Variants in DCDC1 observed in about 807,000 individuals in gnomAD.
DCDC1 encodes the protein doublecortin domain containing 1.
A neutral mutation model predicts 178.3 loss-of-function variants in DCDC1; 200 were observed. That is an observed-to-expected ratio of 1.12 (90% CI 1.00 to 1.26). DCDC1 has a LOEUF of 1.26. Among genes scored for constraint, DCDC1 ranks in the 50% most tolerant of loss-of-function variants. The pLI is 0.00. For synonymous variants in DCDC1, 690 were observed against 604.8 expected, an observed-to-expected ratio of 1.14 and a Z score of -2.07; for missense variants, 1,983 against 1,749.2, an observed-to-expected ratio of 1.13 and a Z score of -2.38.
intron 1 of DCDC1, among the ~76,000 whole-genome samples, chr11:31,364,321 T>A (rs1298069567): frequency 2.0e-5 from 3 of 151,918 alleles, no homozygotes; most frequent in African/African-American, 7.3e-5. Context: ...AGTTGGAAAG[T>A]GCATAGAAAA....
intron 27 of DCDC1, among the ~76,000 whole-genome samples, chr11:30,912,414 G>C (rs577306687): frequency 1.3e-5 from 2 of 152,228 alleles, no homozygotes; most frequent in East Asian, 3.9e-4. Flanking sequence ...CTCCCGAGTA[G>C]CTGGTACTAC....
At chr11:31,126,616 T>C (rs1961659948) in intron 11 of DCDC1, among the ~76,000 whole-genome samples, 2 of 152,174 alleles carry the variant, frequency 1.3e-5, no homozygotes, top group African/African-American at 2.4e-5. Flanking sequence ...ACTTCGAATG[T>C]TATCACATAC....
intron 9 of DCDC1, among the ~76,000 whole-genome samples, chr11:31,164,572 A>T (rs1386878114): frequency 2.0e-5 from 3 of 152,144 alleles, no homozygotes; most frequent in Non-Finnish European, 4.4e-5. Flanking sequence ...AAACGTAAAA[A>T]AAAATTAAAA....
At chr11:31,347,886 T>C (rs2133272294) in intron 1 of DCDC1, among the ~76,000 whole-genome samples, 1 of 152,288 alleles carries the variant, frequency 6.6e-6, no homozygotes, top group South Asian at 2.1e-4. Flanking sequence ...CATGGGCCAA[T>C]ATAGGACCTT....
intron 17 of DCDC1, among the ~76,000 whole-genome samples, chr11:31,087,103 T>C (rs1466643908): frequency 1.3e-5 from 2 of 152,114 alleles, no homozygotes; most frequent in Admixed American, 6.6e-5. Flanking sequence ...TGAGTAGGCA[T>C]TGGTGATTTG....
chr11:31,227,498 T>G (rs930162427), intron 9 of DCDC1, among the ~76,000 whole-genome samples: 1 of 151,996 alleles, frequency 6.6e-6, no homozygotes, highest in Non-Finnish European at 1.5e-5. Flanking sequence ...CATTTCAACA[T>G]GACACTTGGG....
chr11:30,925,617 T>C (rs1946541659), intron 22 of DCDC1, among the ~76,000 whole-genome samples: 1 of 152,166 alleles, frequency 6.6e-6, no homozygotes, highest in African/African-American at 2.4e-5. Context: ...ATTTAACCTG[T>C]CTAAGGCTAG....
chr11:30,927,848 TA>T (rs1946682643), intron 22 of DCDC1, among the ~76,000 whole-genome samples: 1 of 152,162 alleles, frequency 6.6e-6, no homozygotes, highest in African/African-American at 2.4e-5. Flanking sequence ...TATTCCCTCA[TA>T]TTTGACAAGG....
chr11:31,111,725 A>C (rs1023370575), intron 11 of DCDC1, among the ~76,000 whole-genome samples: 2 of 152,194 alleles, frequency 1.3e-5, no homozygotes, highest in African/African-American at 4.8e-5. Flanking sequence ...TAAGCAACAG[A>C]GAAATTTAGC....
intron 1 of DCDC1, among the ~76,000 whole-genome samples, chr11:31,341,973 T>C (rs190344317): frequency 2.6e-5 from 4 of 152,296 alleles, no homozygotes; most frequent in Admixed American, 2.0e-4. Context: ...CAATAGCGCC[T>C]GTCAGGTGAT....
At chr11:30,876,712 C>T (rs1942160617) in intron 38 of DCDC1, among the ~76,000 whole-genome samples, 1 of 152,104 alleles carries the variant, frequency 6.6e-6, no homozygotes, top group African/African-American at 2.4e-5. Context: ...GAAATTATGC[C>T]ATTTTCATAG....
At chr11:30,877,959 A>T (rs894940624) in intron 38 of DCDC1, among the ~76,000 whole-genome samples, 2 of 152,172 alleles carry the variant, frequency 1.3e-5, no homozygotes, top group Non-Finnish European at 2.9e-5. Context: ...TCGATTATAT[A>T]TAAAAAGTAT....
At chr11:31,064,902 A>G (rs1460088800) in intron 19 of DCDC1, 117 bp downstream of exon 19, 2 of 583,736 alleles carry the variant, frequency 3.4e-6, no homozygotes, top group Admixed American at 3.3e-5. Context: ...TAAACTATCC[A>G]TAACATTAAG....
At chr11:30,870,959 C>A (rs949317072) in intron 38 of DCDC1, among the ~76,000 whole-genome samples, 1 of 152,148 alleles carries the variant, frequency 6.6e-6, no homozygotes, top group Non-Finnish European at 1.5e-5. Context: ...CTAACAATGC[C>A]ATGTCCACAG....
At chr11:30,956,940 C>T (rs1948804125) in intron 20 of DCDC1, among the ~76,000 whole-genome samples, 1 of 152,164 alleles carries the variant, frequency 6.6e-6, no homozygotes, top group African/African-American at 2.4e-5. Context: ...TCCCACTGCC[C>T]ATTTCTCAAT....
At chr11:30,896,796 C>T (rs1039514860) in intron 34 of DCDC1, among the ~76,000 whole-genome samples, 1 of 152,154 alleles carries the variant, frequency 6.6e-6, no homozygotes, top group African/African-American at 2.4e-5. Flanking sequence ...ACATTTGTTA[C>T]TTAATCATGA....
At chr11:31,168,946 G>A (rs1220841263) in intron 9 of DCDC1, among the ~76,000 whole-genome samples, 3 of 151,928 alleles carry the variant, frequency 2.0e-5, no homozygotes. Context: ...GACTAAAATG[G>A]CACACTATTT....
intron 9 of DCDC1, among the ~76,000 whole-genome samples, chr11:31,240,378 C>T (rs1027996065): frequency 2.6e-5 from 4 of 151,986 alleles, no homozygotes; most frequent in South Asian, 2.1e-4. Context: ...CTGAATATAA[C>T]GAGACAAACC....
chr11:30,985,015 G>A (rs1159967067), intron 20 of DCDC1, among the ~76,000 whole-genome samples: 2 of 152,152 alleles, frequency 1.3e-5, no homozygotes, highest in Admixed American at 1.3e-4. Context: ...TTTCCACAGA[G>A]ATCAGATGAT....
Sources: allele counts gnomAD v4.1 joint callset (sites outside exome capture counted in the v4.1 genomes callset), GRCh38; gene constraint gnomAD v4.1.1; transcripts MANE v1.5; gene names NCBI Gene and HGNC (gene_info 2026-07-23, HGNC 2026-07-21).